Variants in SRPK2 observed in about 807,000 individuals in gnomAD.
The protein encoded by SRPK2 is SFRS protein kinase 2.
Under a neutral mutation model 90.8 loss-of-function variants are expected in SRPK2, and 21 were observed. The ratio of observed to expected loss-of-function variants is 0.23; its 90% CI spans 0.16 to 0.33. The LOEUF is 0.33. Among genes scored for constraint, SRPK2 ranks in the 10% least tolerant of loss-of-function variants. The probability of loss-of-function intolerance (pLI) is 1.00; values close to 1 mark genes in which losing one functional copy is unlikely to be tolerated. For synonymous variants in SRPK2, 288 were observed against 311.1 expected (o/e 0.93, Z 0.78); for missense variants, 620 against 869.0 (o/e 0.71, Z 3.60).
At chr7:105,294,422 CTGTT>C (rs1239595751) in intron 2 of SRPK2, among the ~76,000 whole-genome samples, 2 of 152,202 alleles carry the variant, frequency 1.3e-5, no homozygotes, top group Admixed American at 6.5e-5. Flanking sequence ...TTCACAGTAA[CTGTT>C]TGTTCCTTTA....
intron 3 of SRPK2, among the ~76,000 whole-genome samples, chr7:105,190,499 G>GT (rs374540172): frequency 1.7e-3 from 260 of 151,694 alleles, no homozygotes; most frequent in African/African-American, 5.9e-3. Flanking sequence ...TTTTTTGTTT[G>GT]TTTTTTTAAA....
intron 2 of SRPK2, among the ~76,000 whole-genome samples, chr7:105,237,535 T>G (rs995960526): frequency 2.6e-5 from 4 of 152,166 alleles, no homozygotes; most frequent in Non-Finnish European, 4.4e-5. Context: ...GCCCAGATAG[T>G]TTTCATCTCT....
chr7:105,244,694 CA>C, intron 2 of SRPK2: 25 of 1,148,206 alleles, frequency 2.2e-5, no homozygotes, highest in Non-Finnish European at 2.8e-5. Flanking sequence ...CAACAAGGGC[CA>C]AAAGGTGACC....
At chr7:105,249,587 T>C (rs1323315586) in intron 2 of SRPK2, among the ~76,000 whole-genome samples, 1 of 152,126 alleles carries the variant, frequency 6.6e-6, no homozygotes, top group Non-Finnish European at 1.5e-5. Context: ...TTTATAAGAA[T>C]CCCATCTAGA....
chr7:105,358,223 CA>C (rs976713048), intron 2 of SRPK2, among the ~76,000 whole-genome samples: 341 of 53,646 alleles, frequency 6.4e-3, no homozygotes, highest in African/African-American at 0.023. Flanking sequence ...GACTCCGTCT[CA>C]AAAAAAAAAA....
Position 105,133,051 on chromosome 7 carries a change from C to T in SRPK2, c.1597G>A (p.Asp533Asn). The T allele has an allele frequency of 4.3e-6, 7 of 1,614,220 alleles. No homozygotes were observed. Among genetic ancestry groups the T allele is most frequent in the Non-Finnish European group, 5.9e-6 (7 of 1,180,022 alleles). Residue 533 changes from aspartate to asparagine, a missense_variant, in exon 12 of 16, where the codon GAT becomes AAT. Transcript: ENST00000393651. ...LVNPLDPRNA[D>N]KIRVKIADLG... ...TCAGCAATTTTTACTCTAATTTTATCTGCATTCCGCGGATCCAGGGGATTC... is the reference window on the plus strand; with the variant it reads ...TCAGCAATTTTTACTCTAATTTTATTTGCATTCCGCGGATCCAGGGGATTC...
At chr7:105,341,711 G>A (rs1450931199) in intron 2 of SRPK2, among the ~76,000 whole-genome samples, 1 of 152,094 alleles carries the variant, frequency 6.6e-6, no homozygotes, top group African/African-American at 2.4e-5. Context: ...GCTCACGCCT[G>A]TAATCCAGCA....
At chr7:105,126,394 G>A in intron 14 of SRPK2, 54 bp from the exon 15 acceptor site, 1 of 1,317,508 alleles carries the variant, frequency 7.6e-7, no homozygotes, top group Non-Finnish European at 1.1e-6. Flanking sequence ...AGGGAAGGAT[G>A]GGATAAAAGA....
intron 2 of SRPK2, among the ~76,000 whole-genome samples, chr7:105,221,065 G>A (rs938155680): frequency 2.0e-5 from 3 of 152,030 alleles, no homozygotes; most frequent in Non-Finnish European, 1.5e-5. Context: ...CTAATAAAAA[G>A]GTTTACTAAA....
At chr7:105,171,285 G>A (rs770995723) in intron 3 of SRPK2, among the ~76,000 whole-genome samples, 6 of 152,144 alleles carry the variant, frequency 3.9e-5, no homozygotes, top group Non-Finnish European at 7.4e-5. Context: ...AGGATAAGAT[G>A]TTAGGAATGG....
chr7:105,205,515 TCTCACA>T (rs878984565), intron 2 of SRPK2, among the ~76,000 whole-genome samples: 1,654 of 111,610 alleles, frequency 0.015, 10 homozygotes, highest in Middle Eastern at 0.028. Context: ...TCTCTCTCTC[TCTCACA>T]CACACACACA....
At chr7:105,300,569 C>G (rs138960988) in intron 2 of SRPK2, among the ~76,000 whole-genome samples, 103 of 152,140 alleles carry the variant, frequency 6.8e-4, no homozygotes, top group African/African-American at 2.5e-3. Context: ...TAAAAATGAC[C>G]TGAGTACAAC....
At chr7:105,347,115 G>A (rs988926325) in intron 2 of SRPK2, among the ~76,000 whole-genome samples, 2 of 151,156 alleles carry the variant, frequency 1.3e-5, no homozygotes, top group Non-Finnish European at 2.9e-5. Context: ...CTGAAGTGCA[G>A]TGGGCATGAT....
intron 2 of SRPK2, among the ~76,000 whole-genome samples, chr7:105,374,067 A>G (rs931704479): frequency 6.6e-6 from 1 of 152,080 alleles, no homozygotes. Context: ...AGCTGGGATT[A>G]TGGCACATGC....
intron 7 of SRPK2, among the ~76,000 whole-genome samples, chr7:105,152,645 C>G (rs1044906606): frequency 6.6e-6 from 1 of 152,180 alleles, no homozygotes; most frequent in Non-Finnish European, 1.5e-5. Flanking sequence ...ATGGATAGAT[C>G]TCCCCTTGCA....
In SRPK2 at chr7:105,385,171, ATTTTTTT is replaced by A. The variant is rs767913304; in HGVS notation, c.71+3470_71+3476del. On this transcript the variant is annotated intron_variant, in intron 2 of 15. Transcript: ENST00000393651. ...ACAGGCGTGAGCCACCGCGCCCGGCATTTTTTTTTTTTTTTTTTTTTTTTTTTGAGAT... is the reference window on the plus strand; with the variant it reads ...ACAGGCGTGAGCCACCGCGCCCGGCATTTTTTTTTTTTTTTTTTTTGAGAT... Among the ~76,000 whole-genome samples, 120 of 49,678 alleles carry A rather than the reference ATTTTTTT, an allele frequency of 2.4e-3. 3 individuals carry two copies. The East Asian group carries it at 0.055, about 23-fold the overall frequency. The allele number at this position is 49,678 out of a possible 152,430, so 32.6% of individuals were successfully genotyped here.
At chr7:105,208,097 C>T (rs1796424257) in intron 2 of SRPK2, among the ~76,000 whole-genome samples, 1 of 152,168 alleles carries the variant, frequency 6.6e-6, no homozygotes, top group African/African-American at 2.4e-5. Context: ...TACAGTCTGA[C>T]ACCACTTCAT....
intron 2 of SRPK2, among the ~76,000 whole-genome samples, chr7:105,354,746 A>G (rs982089162): frequency 6.6e-6 from 1 of 152,230 alleles, no homozygotes; most frequent in African/African-American, 2.4e-5. Context: ...AGTCAGATAT[A>G]TAACTCACAT....
rs1226044586 is a variant in SRPK2, at chr7:105,331,324, AAAAAAAAAAAAAAC to A, written c.71+57310_71+57323del. ...ACTCCGTCTCAAAAAAAAAAAAAAA[AAAAAAAAAAAAAAC>A]AAATAGTTATTACACAATTAATCTG... On this transcript the variant is annotated intron_variant, in intron 2 of 15. Transcript: ENST00000393651. 1.3e-3 allele frequency among the ~76,000 whole-genome samples: 168 copies of A among 131,548 alleles called. 2 individuals carry two copies. In the East Asian group the frequency reaches 0.025, roughly 19 times the overall value. The allele number at this position is 131,548 out of a possible 152,430, so 86.3% of individuals were successfully genotyped here.
Sources: gnomAD v4.1 joint callset for allele counts (sites outside exome capture counted in the v4.1 genomes callset) on GRCh38, gnomAD v4.1.1 for gene constraint, MANE v1.5 for transcripts, NCBI Gene and HGNC (gene_info 2026-07-23, HGNC 2026-07-21) for gene names.